The following RANBP2 variants were observed in gnomAD, a reference collection of about 807,000 sequenced individuals.
RANBP2 encodes the protein E3 SUMO-protein ligase RanBP2.
RANBP2 carries 57 observed loss-of-function variants against 303.6 expected under a neutral mutation model. The observed-to-expected ratio is 0.19, with a 90% confidence interval of 0.15 to 0.23. The LOEUF is 0.23. RANBP2 is among the 10% of genes least tolerant of loss of function. The probability of loss-of-function intolerance (pLI) is 1.00; values close to 1 mark genes in which losing one functional copy is unlikely to be tolerated. For synonymous variants in RANBP2, 1,167 were observed against 1,301.5 expected, an observed-to-expected ratio of 0.90 and a Z score of 2.23; for missense variants, 3,138 against 3,780.8, an observed-to-expected ratio of 0.83 and a Z score of 4.46.
the RANBP2 span, among the ~76,000 whole-genome samples, chr2:109,417,421 C>G: frequency 6.6e-6 from 1 of 152,106 alleles, no homozygotes; most frequent in African/African-American, 2.4e-5. Context: ...CCCGGGCAGA[C>G]AGAAGACCCT....
the RANBP2 span, among the ~76,000 whole-genome samples, chr2:109,725,412 G>T: frequency 2.6e-5 from 4 of 152,200 alleles, no homozygotes; most frequent in Non-Finnish European, 5.9e-5. Context: ...AACCCATGGT[G>T]CTTGGGTATC....
Position 108,781,304 on chromosome 2 carries a change from G to A in RANBP2, c.8635G>A (p.Val2879Met), listed in dbSNP as rs1482405560. The change falls in exon 26 of 29, where the codon GTG becomes ATG. Residue 2879 changes from valine to methionine, a missense_variant. Coordinates refer to ENST00000283195, the MANE Select transcript of RANBP2 (RefSeq NM_006267.5). ...NFQWANTGAAVFGTQSVGTQS... is the reference protein window; with the variant it reads ...NFQWANTGAAMFGTQSVGTQS... ...CCAATGGGCAAATACTGGAGCAGCT[G>A]TGTTTGGAACACAGTCAGTCGGAAC... The A allele has an allele frequency of 2.5e-6, 4 of 1,614,096 alleles. No individual in the cohort carries two copies. Among genetic ancestry groups the A allele is most frequent in the Non-Finnish European group, 3.4e-6 (4 of 1,180,048 alleles).
the RANBP2 span, among the ~76,000 whole-genome samples, chr2:108,920,135 G>C: frequency 6.6e-6 from 1 of 152,238 alleles, no homozygotes; most frequent in Admixed American, 6.5e-5. Flanking sequence ...GGGAAGTGCA[G>C]GCCAGCTCAC....
At chr2:108,894,663 G>T in the RANBP2 span, 2 of 152,512 alleles carry the variant, frequency 1.3e-5, no homozygotes, top group Non-Finnish European at 2.9e-5. Flanking sequence ...TGGAGTCCCA[G>T]CTTTGGTCAG....
At chr2:109,016,281 G>T in the RANBP2 span, among the ~76,000 whole-genome samples, 2 of 151,856 alleles carry the variant, frequency 1.3e-5, no homozygotes, top group Admixed American at 6.6e-5. Context: ...GTAGAGACAG[G>T]GTTTCACCGT....
chr2:109,370,047 C>T, the RANBP2 span, among the ~76,000 whole-genome samples: 6 of 152,230 alleles, frequency 3.9e-5, no homozygotes, highest in East Asian at 3.9e-4. Context: ...GAACAAATAA[C>T]GGGGGCAGTT....
the RANBP2 span, among the ~76,000 whole-genome samples, chr2:109,266,702 T>G: frequency 6.6e-6 from 1 of 152,132 alleles, no homozygotes; most frequent in East Asian, 1.9e-4. Flanking sequence ...GGAAGGCTTC[T>G]AAGCCGTAGT....
chr2:109,422,782 T>C, the RANBP2 span, among the ~76,000 whole-genome samples: 1 of 152,150 alleles, frequency 6.6e-6, no homozygotes, highest in Non-Finnish European at 1.5e-5. Flanking sequence ...GAAGGGTTGA[T>C]TCTCACCTCC....
the RANBP2 span, among the ~76,000 whole-genome samples, chr2:109,632,010 A>AG: frequency 3.3e-5 from 5 of 152,090 alleles, no homozygotes; most frequent in East Asian, 5.8e-4. Context: ...TGAAGAGAGG[A>AG]GGGGGGTCTG....
chr2:109,317,596 A>AG, the RANBP2 span, among the ~76,000 whole-genome samples: 1 of 151,994 alleles, frequency 6.6e-6, no homozygotes, highest in East Asian at 1.9e-4. Flanking sequence ...AGAACAGTCA[A>AG]AGTCCACCTT....
chr2:109,403,786 T>C, the RANBP2 span, among the ~76,000 whole-genome samples: 1 of 152,212 alleles, frequency 6.6e-6, no homozygotes, highest in African/African-American at 2.4e-5. Context: ...ACGGCCAGGT[T>C]GAGCACTTAT....
chr2:108,865,191 A>G, the RANBP2 span, among the ~76,000 whole-genome samples: 3 of 152,148 alleles, frequency 2.0e-5, no homozygotes, highest in African/African-American at 7.2e-5. Flanking sequence ...AAGATCTTAT[A>G]TAAATGCATA....
the RANBP2 span, among the ~76,000 whole-genome samples, chr2:109,146,389 C>T: frequency 6.6e-6 from 1 of 152,186 alleles, no homozygotes; most frequent in South Asian, 2.1e-4. Context: ...AATCACTCCT[C>T]TGTATCACTG....
the RANBP2 span, among the ~76,000 whole-genome samples, chr2:109,002,934 A>G: frequency 6.6e-6 from 1 of 152,096 alleles, no homozygotes; most frequent in African/African-American, 2.4e-5. Flanking sequence ...GTGGCTGGGC[A>G]TGGTGGCTCA....
At chr2:109,505,718 G>A in the RANBP2 span, among the ~76,000 whole-genome samples, 1 of 152,120 alleles carries the variant, frequency 6.6e-6, no homozygotes, top group Non-Finnish European at 1.5e-5. Context: ...ATTGCCCCAG[G>A]TCACATAGTT....
chr2:109,084,255 C>T, the RANBP2 span, among the ~76,000 whole-genome samples: 20 of 152,182 alleles, frequency 1.3e-4, no homozygotes, highest in Non-Finnish European at 2.6e-4. Context: ...TTCAAGTTAA[C>T]GTCAACCAAA....
chr2:109,623,178 G>T, the RANBP2 span, among the ~76,000 whole-genome samples: 1 of 152,170 alleles, frequency 6.6e-6, no homozygotes, highest in Non-Finnish European at 1.5e-5. Flanking sequence ...TTTTGGCACA[G>T]GCGGGAGTGT....
chr2:109,549,278 C>T, the RANBP2 span, among the ~76,000 whole-genome samples: 1 of 152,144 alleles, frequency 6.6e-6, no homozygotes, highest in Admixed American at 6.5e-5. Flanking sequence ...CTAGAGATAG[C>T]TCTCTGGTTA....
At chr2:109,032,701 G>C in the RANBP2 span, among the ~76,000 whole-genome samples, 62,418 of 152,086 alleles carry the variant, frequency 0.41, 14,607 homozygotes, top group Non-Finnish European at 0.53. Flanking sequence ...AGGCTGGTGG[G>C]TTAAATGAAA....
Sources: gnomAD v4.1 joint callset for allele counts (sites outside exome capture counted in the v4.1 genomes callset) on GRCh38, gnomAD v4.1.1 for gene constraint, MANE v1.5 for transcripts, NCBI Gene and HGNC (gene_info 2026-07-23, HGNC 2026-07-21) for gene names.